HIVEP2: variants seen among roughly 807,000 people sequenced by gnomAD.
The protein encoded by HIVEP2 is transcription factor HIVEP2.
HIVEP2 carries 14 observed loss-of-function variants against 180.7 expected under a neutral mutation model. The observed-to-expected ratio is 0.08, with a 90% CI of 0.05 to 0.12. The LOEUF is 0.12. Among genes scored for constraint, HIVEP2 ranks in the 10% least tolerant of loss-of-function variants. HIVEP2 has a pLI of 1.00. For missense variants in HIVEP2, 2,579 were observed against 3,008.5 expected, an observed-to-expected ratio of 0.86 and a Z score of 3.34; for synonymous variants, 1,184 against 1,136.4, an observed-to-expected ratio of 1.04 and a Z score of -0.84.
At chr6:142,845,702 C>A (rs1775494620) in intron 1 of HIVEP2, among the ~76,000 whole-genome samples, 1 of 152,220 alleles carries the variant, frequency 6.6e-6, no homozygotes, top group Non-Finnish European at 1.5e-5. Context: ...AGGCTTAAAT[C>A]AAATGAAGGT....
intron 2 of HIVEP2, among the ~76,000 whole-genome samples, chr6:142,829,334 A>G (rs529969846): frequency 6.6e-6 from 1 of 151,952 alleles, no homozygotes; most frequent in Admixed American, 6.6e-5. Context: ...AACTTTATCC[A>G]TCCCAACACT....
chr6:142,872,898 G>C (rs867746261), intron 1 of HIVEP2, among the ~76,000 whole-genome samples: 13 of 152,066 alleles, frequency 8.5e-5, no homozygotes, highest in African/African-American at 3.1e-4. Context: ...GCACCTTTTT[G>C]ACTGATTTGA....
rs377632005 is a variant in HIVEP2 at position 142,772,612 on chromosome 6, C to T, written c.2127G>A (p.Thr709=). 4.3e-6 allele frequency: 7 copies of T among 1,614,220 alleles called. No homozygotes were observed. The highest frequency in any genetic ancestry group is 1.6e-4 in the Middle Eastern group (1 of 6,062). ...KEKSVGDEED[T]PMICSSIVST... is the part of the protein sequence containing the mutation. ...TTACAATGCTGCTGCAGATCATGGG[C>T]GTGTCCTCTTCATCCCCTACGCTCT... Residue 709 remains threonine (T), a synonymous_variant, in exon 5 of 10, where the codon ACG becomes ACA. Coordinates refer to ENST00000367603, the MANE Select transcript of HIVEP2 (RefSeq NM_006734.4). This position sits in a 1 kb window ranked among gnomAD's most constrained non-coding sequence, Gnocchi z 4.9.
chr6:142,924,576 T>C (rs754669582), intron 1 of HIVEP2, among the ~76,000 whole-genome samples: 28 of 152,242 alleles, frequency 1.8e-4, no homozygotes, highest in Non-Finnish European at 4.0e-4. Context: ...AGGAAAAACA[T>C]CTTCTCCTAC....
chr6:142,794,817 A>G (rs531659823), intron 2 of HIVEP2, among the ~76,000 whole-genome samples: 1 of 152,348 alleles, frequency 6.6e-6, no homozygotes, highest in South Asian at 2.1e-4. Context: ...AGAAACATGT[A>G]CTTTAATAAG....
chr6:142,788,778 G>A (rs113227388), intron 2 of HIVEP2, among the ~76,000 whole-genome samples: 12 of 152,004 alleles, frequency 7.9e-5, no homozygotes, highest in East Asian at 7.7e-4. Context: ...GAGCTTCAGC[G>A]GGGAGATATT....
intron 6 of HIVEP2, among the ~76,000 whole-genome samples, chr6:142,766,723 T>C (rs1775388086): frequency 6.6e-6 from 1 of 152,222 alleles, no homozygotes; most frequent in African/African-American, 2.4e-5. Context: ...TAATATATCA[T>C]ACAACAGTTC....
intron 1 of HIVEP2, among the ~76,000 whole-genome samples, chr6:142,911,075 G>A (rs1296488703): frequency 3.5e-5 from 5 of 143,370 alleles, no homozygotes; most frequent in Non-Finnish European, 4.5e-5. Flanking sequence ...AGACAATAAA[G>A]TTTAAAGGTC....
chr6:142,810,587 C>A (rs1245167107), intron 2 of HIVEP2, among the ~76,000 whole-genome samples: 1 of 151,694 alleles, frequency 6.6e-6, no homozygotes, highest in Non-Finnish European at 1.5e-5. Context: ...GATGGTGAAA[C>A]CCCGTCTCTA....
At chr6:142,765,063 G>C (rs1432366002) in intron 6 of HIVEP2, 89 bp from the exon 7 acceptor site, 22 of 1,195,356 alleles carry the variant, frequency 1.8e-5, no homozygotes, top group Admixed American at 2.3e-5. Flanking sequence ...GCACGGCAAA[G>C]TTTTATGAGG....
chr6:142,928,351 T>C (rs1192331192), intron 1 of HIVEP2, among the ~76,000 whole-genome samples: 4 of 152,228 alleles, frequency 2.6e-5, no homozygotes, highest in Non-Finnish European at 4.4e-5. Flanking sequence ...AAATTAATCT[T>C]AAGAATTGGC....
intron 1 of HIVEP2, among the ~76,000 whole-genome samples, chr6:142,853,072 T>C (rs1775730144): frequency 1.3e-5 from 2 of 152,236 alleles, no homozygotes; most frequent in Non-Finnish European, 2.9e-5. Flanking sequence ...CTTATTGACT[T>C]CCTTCAGTTG....
chr6:142,806,016 C>T (rs577288055), intron 2 of HIVEP2, among the ~76,000 whole-genome samples: 80 of 151,628 alleles, frequency 5.3e-4, no homozygotes, highest in Non-Finnish European at 5.5e-4. Flanking sequence ...GATCTCAATA[C>T]ATCTACACAT....
chr6:142,800,322 C>A (rs374391575), intron 2 of HIVEP2, among the ~76,000 whole-genome samples: 8 of 152,132 alleles, frequency 5.3e-5, no homozygotes, highest in African/African-American at 1.9e-4. Flanking sequence ...ACCTCTGCCT[C>A]TAGTATGCAA....
In HIVEP2 at chr6:142,774,634, C is replaced by T; in HGVS notation, c.105G>A (p.Lys35=). ...CTTCATGACTGCCAAAAGTGCTCAT[C>T]TTAATAACAGCTGATTGTTCCTGTC... ...RWRQEQSAVI[K]MSTFGSHEGQ... Residue 35 remains lysine, a synonymous_variant, in exon 5 of 10, where the codon AAG becomes AAA. Coordinates refer to ENST00000367603, the MANE Select transcript of HIVEP2 (RefSeq NM_006734.4). The surrounding 1 kb of genome is among the most constrained non-coding windows in gnomAD (Gnocchi z 5.1). 1 of 1,614,210 alleles carries T rather than the reference C, an allele frequency of 6.2e-7. No individual in the cohort carries two copies.
At chr6:142,872,608 TCA>T (rs1166158091) in intron 1 of HIVEP2, among the ~76,000 whole-genome samples, 2 of 152,186 alleles carry the variant, frequency 1.3e-5, no homozygotes, top group East Asian at 3.9e-4. Context: ...AACCATGCAG[TCA>T]CAGAGTCCAT....
intron 7 of HIVEP2, among the ~76,000 whole-genome samples, chr6:142,763,218 T>C (rs183994976): frequency 6.6e-6 from 1 of 152,146 alleles, no homozygotes; most frequent in Non-Finnish European, 1.5e-5. Context: ...GTTAAAGTCA[T>C]GAGCTGCAGA....
At chr6:142,814,032 G>A (rs1776770445) in intron 2 of HIVEP2, among the ~76,000 whole-genome samples, 1 of 151,786 alleles carries the variant, frequency 6.6e-6, no homozygotes, top group South Asian at 2.1e-4. Context: ...TTTTACACCA[G>A]ATCTATGGTC....
chr6:142,893,009 G>A (rs761385385), intron 1 of HIVEP2, among the ~76,000 whole-genome samples: 17 of 152,192 alleles, frequency 1.1e-4, no homozygotes, highest in Non-Finnish European at 1.2e-4. Flanking sequence ...TAATGTCTAT[G>A]GGAAAGGTGA....
Sources: gnomAD v4.1 joint callset for allele counts (sites outside exome capture counted in the v4.1 genomes callset) on GRCh38, gnomAD v4.1.1 for gene constraint, Gnocchi (gnomAD v3.1) non-coding constraint, MANE v1.5 for transcripts, NCBI Gene and HGNC (gene_info 2026-07-23, HGNC 2026-07-21) for gene names.